TMEM177: variants seen among roughly 807,000 people sequenced by gnomAD.
TMEM177 encodes the protein transmembrane protein 177.
TMEM177 carries 4 observed loss-of-function variants against 14.2 expected under a neutral mutation model. That is an observed-to-expected ratio of 0.28 (90% CI 0.14 to 0.64). TMEM177 has a LOEUF of 0.64. Among genes scored for constraint, TMEM177 ranks in the 30% least tolerant of loss-of-function variants. The pLI, the probability that TMEM177 is intolerant of heterozygous loss-of-function variation, is 0.82. For synonymous variants in TMEM177, 179 were observed against 174.5 expected (o/e 1.03, Z -0.20); for missense variants, 344 against 405.2 (o/e 0.85, Z 1.30).
At chr2:119,710,684 A>G in the TMEM177 span, among the ~76,000 whole-genome samples, 6 of 150,758 alleles carry the variant, frequency 4.0e-5, no homozygotes, top group Non-Finnish European at 7.4e-5. Flanking sequence ...ATCTCGGCTC[A>G]CTGCAAGCTC....
At position 119,680,864 on chromosome 2, in the gene TMEM177, C is replaced by G. The variant is rs763976098; in HGVS notation, c.11C>G (p.Pro4Arg). 6.2e-7 allele frequency: 1 copy of G among 1,613,024 alleles called. No individual in the cohort carries two copies. The highest frequency in any genetic ancestry group is 1.3e-5 in the African/African-American group (1 of 74,930). MAG[P>R]LWRTAAFVQR... ...GCAGTGACTACACTCATGGCAGGTC[C>G]CCTGTGGCGGACCGCAGCATTTGTG... The change falls in exon 2 of 2, where the codon CCC becomes CGC. Residue 4 changes from proline to arginine, a missense_variant. Pro to Arg is a moderately radical substitution (Grantham distance 103). Transcript: ENST00000272521.
the TMEM177 span, among the ~76,000 whole-genome samples, chr2:119,711,169 G>T: frequency 1.5e-3 from 225 of 152,244 alleles, 1 homozygote; most frequent in East Asian, 0.037. Context: ...TATGATATCG[G>T]ATTCAAGATT....
the TMEM177 span, among the ~76,000 whole-genome samples, chr2:119,693,715 C>T: frequency 6.6e-6 from 1 of 152,136 alleles, no homozygotes; most frequent in Non-Finnish European, 1.5e-5. Context: ...AAGGCCTCAG[C>T]CACACCTGAA....
At chr2:119,690,626 G>A (rs893589139), downstream of TMEM177, among the ~76,000 whole-genome samples, 18 of 152,124 alleles carry the variant, frequency 1.2e-4, no homozygotes, top group African/African-American at 4.3e-4. Flanking sequence ...GGAGGGAGCC[G>A]GCGTCCACAT....
downstream of TMEM177, among the ~76,000 whole-genome samples, chr2:119,683,125 G>A (rs1432705885): frequency 6.6e-6 from 1 of 152,222 alleles, no homozygotes; most frequent in Non-Finnish European, 1.5e-5. Flanking sequence ...GGAGAGGAGA[G>A]TGAGCCAGTG....
chr2:119,680,710 C>T, intron 1 of TMEM177, 122 bp from the exon 2 acceptor site: 1 of 731,538 alleles, frequency 1.4e-6, no homozygotes, highest in Non-Finnish European at 2.2e-6. Context: ...GGCTCTAGAG[C>T]CCACACTCTT....
chr2:119,695,639 C>T, the TMEM177 span, among the ~76,000 whole-genome samples: 4 of 152,154 alleles, frequency 2.6e-5, no homozygotes, highest in African/African-American at 7.2e-5. Flanking sequence ...TGTGAGCACC[C>T]GCTATGTACA....
At chr2:119,694,576 A>G in the TMEM177 span, among the ~76,000 whole-genome samples, 1 of 152,210 alleles carries the variant, frequency 6.6e-6, no homozygotes, top group Non-Finnish European at 1.5e-5. Flanking sequence ...TTGGCCGGGC[A>G]CTGTCCCCAT....
chr2:119,709,803 C>T, the TMEM177 span, among the ~76,000 whole-genome samples: 2 of 151,848 alleles, frequency 1.3e-5, no homozygotes, highest in Admixed American at 6.6e-5. Context: ...CCAGTCTGGG[C>T]GACTGAGCAA....
the TMEM177 span, among the ~76,000 whole-genome samples, chr2:119,722,750 T>C: frequency 6.6e-6 from 1 of 152,242 alleles, no homozygotes; most frequent in African/African-American, 2.4e-5. Context: ...CTTTAGACAC[T>C]GAGTTCCTGG....
downstream of TMEM177, among the ~76,000 whole-genome samples, chr2:119,686,757 G>A (rs1689021824): frequency 6.6e-6 from 1 of 151,806 alleles, no homozygotes; most frequent in South Asian, 2.1e-4. Flanking sequence ...TTGTAGAGAT[G>A]GGGTTTTACT....
chr2:119,680,932 C>G lies in TMEM177; in HGVS notation c.79C>G (p.Leu27Val). ...TGLLVGSCAG[L>V]FGVPISYHLF... Reference sequence around the variant, plus strand: ...CCTCTTGGTGGGTTCCTGTGCAGGCCTGTTTGGAGTTCCAATCTCGTACCA... The same window carrying G: ...CCTCTTGGTGGGTTCCTGTGCAGGCGTGTTTGGAGTTCCAATCTCGTACCA... The change falls in exon 2 of 2, where the codon CTG becomes GTG. Residue 27 changes from leucine to valine, a missense_variant. Coordinates refer to ENST00000272521, the MANE Select transcript of TMEM177 (RefSeq NM_030577.3). 6.2e-7 allele frequency: 1 copy of G among 1,614,232 alleles called. No homozygotes were observed. The highest frequency in any genetic ancestry group is 2.2e-5 in the East Asian group (1 of 44,884).
chr2:119,694,280 CCACACA>C, the TMEM177 span, among the ~76,000 whole-genome samples: 51 of 149,796 alleles, frequency 3.4e-4, no homozygotes, highest in South Asian at 6.4e-4. Flanking sequence ...GTGTGGTATA[CCACACA>C]CACACACACA....
At chr2:119,703,557 AT>A in the TMEM177 span, among the ~76,000 whole-genome samples, 1 of 152,206 alleles carries the variant, frequency 6.6e-6, no homozygotes, top group Non-Finnish European at 1.5e-5. Context: ...GTCCAGGGAT[AT>A]TTAATGACAT....
At chr2:119,705,231 A>C in the TMEM177 span, among the ~76,000 whole-genome samples, 1 of 152,160 alleles carries the variant, frequency 6.6e-6, no homozygotes. Flanking sequence ...GGCTTATTCC[A>C]GCACACATTT....
chr2:119,711,761 C>T, the TMEM177 span, among the ~76,000 whole-genome samples: 1 of 152,126 alleles, frequency 6.6e-6, no homozygotes, highest in African/African-American at 2.4e-5. Flanking sequence ...GAGGACTCTT[C>T]GTAGTTACCT....
At chr2:119,701,729 G>T in the TMEM177 span, among the ~76,000 whole-genome samples, 1 of 152,222 alleles carries the variant, frequency 6.6e-6, no homozygotes. Context: ...GAGACCGGGA[G>T]TTTTATTATT....
At chr2:119,685,710 T>C (rs1689002283), downstream of TMEM177, 1 of 718,080 alleles carries the variant, frequency 1.4e-6, no homozygotes, top group Non-Finnish European at 2.6e-6. Flanking sequence ...CATAAAACTT[T>C]GTAAGTGGCA....
chr2:119,721,626 G>A, the TMEM177 span, among the ~76,000 whole-genome samples: 1,144 of 152,256 alleles, frequency 7.5e-3, 8 homozygotes, highest in African/African-American at 0.025. Context: ...GTAGGGGACC[G>A]TGCCCTTTAA....
Sources: gnomAD v4.1 joint callset for allele counts (sites outside exome capture counted in the v4.1 genomes callset) on GRCh38, gnomAD v4.1.1 for gene constraint, MANE v1.5 for transcripts, NCBI Gene and HGNC (gene_info 2026-07-23, HGNC 2026-07-21) for gene names.